TTC34: variants seen among roughly 807,000 people sequenced by gnomAD.
The protein encoded by TTC34 is tetratricopeptide repeat domain 34.
A neutral mutation model predicts 40.7 loss-of-function variants in TTC34; 44 were observed. The ratio of observed to expected loss-of-function variants is 1.08; its 90% CI spans 0.85 to 1.39. The LOEUF (loss-of-function observed/expected upper bound fraction) is 1.39. Ranked by LOEUF, TTC34 falls within the 40% of genes most tolerant of loss-of-function variation. The pLI is 0.00. For synonymous variants in TTC34, 422 were observed against 398.6 expected (o/e 1.06, Z -0.70); for missense variants, 884 against 838.0 (o/e 1.05, Z -0.68).
exon 3 of TTC34, chr1:2,789,551 T>G: frequency 1.3e-6 from 2 of 1,496,772 alleles, no homozygotes; most frequent in Non-Finnish European, 1.8e-6. Context: ...CCTCCGGCCC[T>G]GCGCTCTGGA....
Position 2,645,571 on chromosome 1 carries a change from G to A in TTC34, c.2227-8C>T. The A allele has an allele frequency of 1.4e-6, 2 of 1,413,084 alleles. No homozygotes were observed. Among genetic ancestry groups the A allele is most frequent in the South Asian group, 1.5e-5 (1 of 65,918 alleles). 87.5% of individuals were successfully genotyped at this position (1,413,084 alleles called of 1,614,324 possible). On this transcript the variant is annotated splice_region_variant and splice_polypyrimidine_tract_variant and intron_variant, in intron 6 of 8. Transcript: ENST00000401095. The surrounding 1 kb of genome is among the most constrained non-coding windows in gnomAD (Gnocchi z 4.7). ...GATGTCGTCCACGGCTTCCTGCAAGGAGGGAGGGCGGGCGGGTGCAGAGTT... is the reference window on the plus strand; with the variant it reads ...GATGTCGTCCACGGCTTCCTGCAAGAAGGGAGGGCGGGCGGGTGCAGAGTT...
intron 6 of TTC34, among the ~76,000 whole-genome samples, chr1:2,750,718 C>T (rs1282923297): frequency 5.0e-3 from 106 of 21,120 alleles, no homozygotes; most frequent in African/African-American, 0.023. Context: ...CCTGGAGCAG[C>T]ACCCACACCC....
At chr1:2,756,006 C>T (rs1249792083) in intron 6 of TTC34, among the ~76,000 whole-genome samples, 1 of 87,788 alleles carries the variant, frequency 1.1e-5, no homozygotes, top group Non-Finnish European at 2.0e-5. Context: ...CATCTGACAC[C>T]CTGAAACAGC....
intron 6 of TTC34, among the ~76,000 whole-genome samples, chr1:2,771,556 A>G (rs1291043088): frequency 6.5e-5 from 4 of 61,462 alleles, no homozygotes; most frequent in Admixed American, 1.4e-4. Flanking sequence ...CTGGAGCAGC[A>G]CACACAACCC....
intron 6 of TTC34, among the ~76,000 whole-genome samples, chr1:2,691,767 A>G (rs1456607556): frequency 6.5e-5 from 4 of 61,700 alleles, no homozygotes; most frequent in East Asian, 1.1e-3. Flanking sequence ...TCTGAACGCA[A>G]ATAGCAGCAC....
At chr1:2,750,163 C>A (rs1372529169) in intron 6 of TTC34, among the ~76,000 whole-genome samples, 9 of 112,176 alleles carry the variant, frequency 8.0e-5, no homozygotes, top group Non-Finnish European at 1.3e-4. Context: ...AGAACAAACA[C>A]CCCCAGGCGA....
intron 6 of TTC34, among the ~76,000 whole-genome samples, chr1:2,688,433 T>A (rs573530515): frequency 5.5e-5 from 8 of 144,324 alleles, no homozygotes; most frequent in Non-Finnish European, 1.0e-4. Context: ...TCCGACAGCC[T>A]GGAGCAGGAC....
At chr1:2,777,691 G>GGT (rs1553168931) in intron 6 of TTC34, among the ~76,000 whole-genome samples, 1 of 138,358 alleles carries the variant, frequency 7.2e-6, no homozygotes, top group Non-Finnish European at 1.5e-5. Context: ...GAGGGCATGG[G>GGT]GGGGGGGGCG....
chr1:2,752,681 C>A (rs1278341457), intron 6 of TTC34, among the ~76,000 whole-genome samples: 1 of 64,286 alleles, frequency 1.6e-5, no homozygotes, highest in African/African-American at 9.8e-5. Context: ...CAACCTGCAA[C>A]AGCACCCATA....
intron 5 of TTC34, among the ~76,000 whole-genome samples, chr1:2,785,251 G>C (rs1456462): frequency 0.19 from 28,411 of 152,080 alleles, 2,906 homozygotes; most frequent in South Asian, 0.26. Flanking sequence ...TGCATGGCCG[G>C]GTTCCACGTG....
At chr1:2,643,981 G>T (rs2100987279) in intron 8 of TTC34, among the ~76,000 whole-genome samples, 1 of 152,292 alleles carries the variant, frequency 6.6e-6, no homozygotes, top group Non-Finnish European at 1.5e-5. Context: ...GGCTCAGTCT[G>T]GCCCTGAGGG....
chr1:2,759,966 A>G (rs1641641576), intron 6 of TTC34, among the ~76,000 whole-genome samples: 15 of 139,520 alleles, frequency 1.1e-4, no homozygotes, highest in Non-Finnish European at 1.2e-4. Flanking sequence ...CCACACCACC[A>G]GGTGAGCATC....
In TTC34 at chr1:2,641,838, C is replaced by T. The variant is rs1349144513; in HGVS notation, c.2770G>A (p.Gly924Ser). 2.0e-5 allele frequency: 31 copies of T among 1,524,708 alleles called. 1 individual carries two copies. In the Admixed American group the frequency reaches 6.0e-4, roughly 29 times the overall value. The allele number at this position is 1,524,708 out of a possible 1,614,324, so 94.4% of individuals were successfully genotyped here. The change falls in exon 9 of 9, where the codon GGC (glycine) becomes AGC (serine). Residue 924 changes from glycine (G) to serine (S), a missense_variant. Gly to Ser is a moderately conservative substitution (Grantham distance 56). Transcript: ENST00000401095. ...GCCAGGACAGACAGCGAACAGTAGC[C>T]CAGCGCCTGCCTGGGTTGCCCTGCG...
intron 3 of TTC34, among the ~76,000 whole-genome samples, chr1:2,788,646 G>A (rs1308900984): frequency 1.3e-5 from 2 of 152,236 alleles, no homozygotes; most frequent in Non-Finnish European, 2.9e-5. Context: ...GTGAGTGGGG[G>A]ATGGGCGGTG....
chr1:2,787,298 G>C (rs1380397155), intron 4 of TTC34, among the ~76,000 whole-genome samples, 183 bp downstream of exon 4: 1 of 152,212 alleles, frequency 6.6e-6, no homozygotes, highest in Non-Finnish European at 1.5e-5. Flanking sequence ...CCAGGACCCA[G>C]ATAAGGAGAC....
At chr1:2,791,717 C>T (rs1390223219) in intron 2 of TTC34, among the ~76,000 whole-genome samples, 1 of 152,106 alleles carries the variant, frequency 6.6e-6, no homozygotes, top group East Asian at 1.9e-4. Flanking sequence ...TGCAGTGGCT[C>T]ATGGATCCGA....
Position 2,694,739 on chromosome 1 carries a change from C to A in TTC34, c.2227-49176G>T, listed in dbSNP as rs1158127920. Among the ~76,000 whole-genome samples the A allele has an allele frequency of 2.8e-5, 2 of 72,012 alleles. 1 individual carries two copies. Among genetic ancestry groups the A allele is most frequent in the East Asian group, 7.0e-4 (2 of 2,872 alleles). The allele number at this position is 72,012 out of a possible 152,430, so 47.2% of individuals were successfully genotyped here. ...CAGGTGAGCATCTGACATCGTGGAG[C>A]AGCACCCCAAACCCACAGGTGAGCA... On this transcript the variant is annotated intron_variant, in intron 6 of 8. Transcript: ENST00000401095.
chr1:2,639,854 C>G (rs1234123175), exon 9 of TTC34: 3 of 152,496 alleles, frequency 2.0e-5, no homozygotes, highest in African/African-American at 7.2e-5. Context: ...GACACATAGG[C>G]GGTGCCAGCT....
chr1:2,799,566 G>A lies in TTC34; in HGVS notation c.784+478C>T, dbSNP rs572108549. 5.3e-5 allele frequency among the ~76,000 whole-genome samples: 8 copies of A among 152,094 alleles called. 1 individual carries two copies. The highest frequency in any genetic ancestry group is 1.3e-4 in the Admixed American group (2 of 15,284). On this transcript the variant is annotated intron_variant, in intron 2 of 8. Transcript: ENST00000401095. The stretch of plus-strand genomic sequence containing the variant: ...CTCAAAAAAAAAAATGCAGCTCAGA[G>A]TACCTCACTCCACAGCTCAGCCTCA...
Sources: gnomAD v4.1 joint callset for allele counts (sites outside exome capture counted in the v4.1 genomes callset) on GRCh38, gnomAD v4.1.1 for gene constraint, Gnocchi (gnomAD v3.1) non-coding constraint, MANE v1.5 for transcripts, NCBI Gene and HGNC (gene_info 2026-07-23, HGNC 2026-07-21) for gene names.